FSIP1: variants seen among roughly 807,000 people sequenced by gnomAD.
The protein encoded by FSIP1 is fibrous sheath-interacting protein 1.
FSIP1 carries 65 observed loss-of-function variants against 60.9 expected under a neutral mutation model. The ratio of observed to expected loss-of-function variants is 1.07; its 90% CI spans 0.87 to 1.31. The LOEUF (loss-of-function observed/expected upper bound fraction) is 1.31. Ranked by LOEUF, FSIP1 falls within the 40% of genes most tolerant of loss-of-function variation. FSIP1 has a pLI of 0.00. For synonymous variants in FSIP1, 209 were observed against 221.2 expected, an observed-to-expected ratio of 0.94 and a Z score of 0.49; for missense variants, 675 against 665.5, an observed-to-expected ratio of 1.01 and a Z score of -0.16.
chr15:39,777,928 A>C (rs1229101666), intron 1 of FSIP1, among the ~76,000 whole-genome samples: 1 of 152,218 alleles, frequency 6.6e-6, no homozygotes, highest in Non-Finnish European at 1.5e-5. Context: ...CACAGGAGAA[A>C]GCACAAATAT....
intron 10 of FSIP1, among the ~76,000 whole-genome samples, chr15:39,623,687 G>T (rs1002403956): frequency 6.6e-6 from 1 of 152,158 alleles, no homozygotes; most frequent in Admixed American, 6.5e-5. Flanking sequence ...AGGTGGTAGG[G>T]TTGAGGTTTG....
chr15:39,629,576 C>A (rs551962375), intron 10 of FSIP1, among the ~76,000 whole-genome samples: 1 of 152,286 alleles, frequency 6.6e-6, no homozygotes, highest in South Asian at 2.1e-4. Context: ...CCTGCGCACA[C>A]CCTCCTCAGG....
At chr15:39,728,521 AAAAC>A (rs1380093608) in intron 8 of FSIP1, among the ~76,000 whole-genome samples, 2 of 152,224 alleles carry the variant, frequency 1.3e-5, no homozygotes, top group Non-Finnish European at 2.9e-5. Context: ...AAAGTTGACA[AAAAC>A]AAACAATGGG....
At chr15:39,715,787 T>C (rs1385427484) in intron 9 of FSIP1, among the ~76,000 whole-genome samples, 4 of 152,150 alleles carry the variant, frequency 2.6e-5, no homozygotes, top group Admixed American at 6.5e-5. Context: ...CATCCCTCAG[T>C]ACTGCTCTCA....
At chr15:39,712,181 C>T (rs1203148889) in intron 10 of FSIP1, among the ~76,000 whole-genome samples, 2 of 150,356 alleles carry the variant, frequency 1.3e-5, no homozygotes, top group Non-Finnish European at 2.9e-5. Flanking sequence ...GGCCTGAGCT[C>T]CTGTAGGCTC....
intron 4 of FSIP1, among the ~76,000 whole-genome samples, chr15:39,764,255 T>C (rs1897604763): frequency 6.6e-6 from 1 of 152,202 alleles, no homozygotes; most frequent in Non-Finnish European, 1.5e-5. Context: ...TATGTTTTAT[T>C]ATGTTTCCAT....
chr15:39,639,874 T>C (rs1279789390), intron 10 of FSIP1, among the ~76,000 whole-genome samples: 3 of 152,136 alleles, frequency 2.0e-5, no homozygotes, highest in Admixed American at 1.3e-4. Context: ...GTTATAAAAG[T>C]TTAGTCATTT....
chr15:39,601,029 A>C (rs1170775442), intron 11 of FSIP1, 103 bp from the exon 12 acceptor site: 6 of 858,156 alleles, frequency 7.0e-6, no homozygotes, highest in Non-Finnish European at 1.1e-5. Context: ...TTTACACATG[A>C]GGCAATAATC....
At chr15:39,658,775 T>G (rs750317740) in intron 10 of FSIP1, among the ~76,000 whole-genome samples, 2 of 152,212 alleles carry the variant, frequency 1.3e-5, no homozygotes, top group Admixed American at 6.5e-5. Context: ...AGCAAAACAT[T>G]GAGCTGCCGT....
rs531463831 is a variant in FSIP1, at chr15:39,717,944, C to T, written c.1051-4363G>A. Reference sequence around the variant, plus strand: ...AAACTAATTACCGCTCAAGCGCTCACGCTGAGGGGGCTGGGGTTGGCTAAC... The same window carrying T: ...AAACTAATTACCGCTCAAGCGCTCATGCTGAGGGGGCTGGGGTTGGCTAAC... On this transcript the variant is annotated intron_variant, in intron 9 of 11. Coordinates refer to ENST00000350221, the MANE Select transcript of FSIP1 (RefSeq NM_152597.5). 8.5e-5 allele frequency among the ~76,000 whole-genome samples: 13 copies of T among 152,340 alleles called. No individual in the cohort carries two copies. The South Asian group carries it at 2.5e-3, about 29-fold the overall frequency.
chr15:39,727,013 C>T (rs956339232), intron 8 of FSIP1, among the ~76,000 whole-genome samples: 1 of 152,160 alleles, frequency 6.6e-6, no homozygotes, highest in Admixed American at 6.5e-5. Flanking sequence ...CTTTTAGTTT[C>T]ACAGTCTGGT....
At chr15:39,768,200 C>T (rs1310968752) in intron 3 of FSIP1, among the ~76,000 whole-genome samples, 1 of 152,172 alleles carries the variant, frequency 6.6e-6, no homozygotes, top group African/African-American at 2.4e-5. Context: ...CCTTCAAGGG[C>T]GATAAGGGAA....
chr15:39,752,952 T>C (rs1897207331), intron 5 of FSIP1, among the ~76,000 whole-genome samples: 2 of 151,984 alleles, frequency 1.3e-5, no homozygotes, highest in Non-Finnish European at 2.9e-5. Flanking sequence ...AACTTCCAGG[T>C]TAAAAAGATT....
intron 8 of FSIP1, among the ~76,000 whole-genome samples, chr15:39,729,849 G>A (rs1896337261): frequency 6.6e-6 from 1 of 152,096 alleles, no homozygotes; most frequent in African/African-American, 2.4e-5. Context: ...AGTACACATG[G>A]ACACAAGAAG....
chr15:39,754,284 C>T (rs192517833), intron 5 of FSIP1, among the ~76,000 whole-genome samples: 7 of 152,008 alleles, frequency 4.6e-5, no homozygotes, highest in Admixed American at 3.9e-4. Context: ...ACTGTAGCCC[C>T]GGCAACCATT....
At chr15:39,731,827 G>A (rs1011174960) in intron 8 of FSIP1, among the ~76,000 whole-genome samples, 34 of 152,154 alleles carry the variant, frequency 2.2e-4, no homozygotes, top group African/African-American at 7.5e-4. Context: ...ACCTGAGATC[G>A]GATGCAAACC....
At chr15:39,737,677 A>T (rs1231030662) in intron 8 of FSIP1, among the ~76,000 whole-genome samples, 1 of 152,198 alleles carries the variant, frequency 6.6e-6, no homozygotes, top group Non-Finnish European at 1.5e-5. Context: ...AAAAAATTTT[A>T]ACTTGTATTT....
At chr15:39,616,735 TAGAA>T (rs1192053877) in intron 11 of FSIP1, among the ~76,000 whole-genome samples, 4 of 152,118 alleles carry the variant, frequency 2.6e-5, no homozygotes, top group Admixed American at 6.5e-5. Flanking sequence ...TGGAGAGCCA[TAGAA>T]GGAAGTGTGG....
chr15:39,624,714 T>A (rs1595543465), intron 10 of FSIP1, among the ~76,000 whole-genome samples: 1 of 152,142 alleles, frequency 6.6e-6, no homozygotes, highest in African/African-American at 2.4e-5. Flanking sequence ...GTCCGGCAGG[T>A]AGACTGCTCT....
Sources: allele counts gnomAD v4.1 joint callset (sites outside exome capture counted in the v4.1 genomes callset), GRCh38; gene constraint gnomAD v4.1.1; transcripts MANE v1.5; gene names NCBI Gene and HGNC (gene_info 2026-07-23, HGNC 2026-07-21).